FAP: variants seen among roughly 807,000 people sequenced by gnomAD.
FAP encodes the protein prolyl endopeptidase FAP.
In FAP, 110 loss-of-function variants were observed where a neutral mutation model predicts 126.5. That is an observed-to-expected ratio of 0.87 (90% CI 0.74 to 1.02). The LOEUF (loss-of-function observed/expected upper bound fraction) is 1.02. Ranked by LOEUF, FAP falls within the 50% of genes least tolerant of loss-of-function variation. FAP has a pLI of 0.00. For missense variants in FAP, 919 were observed against 909.2 expected, an observed-to-expected ratio of 1.01 and a Z score of -0.14; for synonymous variants, 334 against 297.3, an observed-to-expected ratio of 1.12 and a Z score of -1.27.
At chr2:162,216,204 C>T (rs927880688) in intron 9 of FAP, among the ~76,000 whole-genome samples, 1 of 152,108 alleles carries the variant, frequency 6.6e-6, no homozygotes, top group African/African-American at 2.4e-5. Context: ...TCAACCAGAG[C>T]AAAACTATGT....
At chr2:162,235,539 CAA>C (rs1690092425) in intron 2 of FAP, among the ~76,000 whole-genome samples, 1 of 152,146 alleles carries the variant, frequency 6.6e-6, no homozygotes, top group African/African-American at 2.4e-5. Context: ...TGTATCTAGG[CAA>C]TAGGTGGAGA....
chr2:162,211,112 G>C (rs1324335119), intron 11 of FAP, among the ~76,000 whole-genome samples: 4 of 152,138 alleles, frequency 2.6e-5, no homozygotes, highest in Non-Finnish European at 5.9e-5. Flanking sequence ...TGTGTGAACA[G>C]AAATAACTCA....
chr2:162,211,046 T>C (rs563555415), intron 11 of FAP, among the ~76,000 whole-genome samples: 5 of 152,328 alleles, frequency 3.3e-5, no homozygotes, highest in African/African-American at 4.8e-5. Context: ...GCAGGAAATG[T>C]ATTTCCCAGC....
Position 162,223,661 on chromosome 2 carries a change from C to G in FAP, c.361-1G>C, listed in dbSNP as rs375169901. On this transcript the variant is annotated splice_acceptor_variant, in intron 5 of 25. Transcript: ENST00000188790. LOFTEE classifies it high-confidence loss of function. The stretch of plus-strand genomic sequence containing the variant: ...TTGCTGTGTAAGAGTATCTCCAAAG[C>G]TGTCAGAAAGAAGAAAGACAAAAAA... 1 of 1,607,986 alleles carries G rather than the reference C, an allele frequency of 6.2e-7. No homozygotes were observed. Among genetic ancestry groups the G allele is most frequent in the African/African-American group, 1.3e-5 (1 of 74,738 alleles).
In FAP at chr2:162,242,927, A is replaced by T. The variant is rs199731574; in HGVS notation, c.72T>A (p.Ile24=). Residue 24 remains isoleucine, a synonymous_variant, in exon 2 of 26, where the codon ATT becomes ATA. Coordinates refer to ENST00000188790, the MANE Select transcript of FAP (RefSeq NM_004460.5). ...TCTTACCTCTTGAAGGGCGTAAGAC[A>T]ATGCACATCACCAATAAGGCAAGCA... ...SAVLALLVMC[I]VLRPSRVHNS... 8.4e-5 allele frequency: 136 copies of T among 1,613,034 alleles called. No homozygotes were observed. The highest frequency in any genetic ancestry group is 1.1e-4 in the Non-Finnish European group (126 of 1,179,416).
Position 162,222,625 on chromosome 2 carries a change from G to A in FAP, c.413+983C>T, listed in dbSNP as rs376309063. ...AACAGCAAACAAGATATCATATTAA[G>A]ATGAGTAGCTAAGGCAATTCATTGT... On this transcript the variant is annotated intron_variant, in intron 6 of 25. Coordinates refer to ENST00000188790, the MANE Select transcript of FAP (RefSeq NM_004460.5). Among the ~76,000 whole-genome samples, 8 of 152,126 alleles carry A rather than the reference G, an allele frequency of 5.3e-5. No homozygotes were observed. In the South Asian group the frequency reaches 1.2e-3, roughly 24 times the overall value.
At chr2:162,242,826 A>C (rs1690404870) in intron 2 of FAP, 82 bp downstream of exon 2, 1 of 1,001,336 alleles carries the variant, frequency 1.0e-6, no homozygotes, top group Non-Finnish European at 1.5e-6. Flanking sequence ...CACTTAGGAA[A>C]TGTTCAACCA....
chr2:162,197,664 G>C (rs1209123070), intron 16 of FAP: 3 of 456,444 alleles, frequency 6.6e-6, no homozygotes, highest in Admixed American at 2.4e-5. Flanking sequence ...GGGGCCAGGT[G>C]GCTGGACTGA....
chr2:162,218,854 T>A (rs1347939085), intron 8 of FAP, among the ~76,000 whole-genome samples: 2 of 152,102 alleles, frequency 1.3e-5, no homozygotes, highest in Admixed American at 6.6e-5. Flanking sequence ...TTCATAGTGA[T>A]GTTATTGAGA....
intron 4 of FAP, among the ~76,000 whole-genome samples, chr2:162,224,926 A>AG (rs1008982944): frequency 7.2e-5 from 11 of 152,198 alleles, no homozygotes; most frequent in South Asian, 2.1e-4. Context: ...TGGTTTCAAA[A>AG]GAATAGTAGG....
At chr2:162,183,645 C>T (rs1177841124) in intron 20 of FAP, 177 bp from the exon 21 acceptor site, 1 of 555,672 alleles carries the variant, frequency 1.8e-6, no homozygotes, top group African/African-American at 1.9e-5. Flanking sequence ...ATGTTTTCTG[C>T]AAAGAGATAA....
At chr2:162,225,362 G>A (rs1689594120) in intron 4 of FAP, 121 bp downstream of exon 4, 1 of 1,250,796 alleles carries the variant, frequency 8.0e-7, no homozygotes, top group Non-Finnish European at 1.1e-6. Context: ...GACTCTAGTG[G>A]AGTATGGAGC....
chr2:162,215,863 G>C, intron 10 of FAP, 35 bp downstream of exon 10: 1 of 1,455,338 alleles, frequency 6.9e-7, no homozygotes, highest in Non-Finnish European at 9.7e-7. Flanking sequence ...CTAGAATATA[G>C]GATAGAAAGA....
chr2:162,239,852 A>G (rs1280326242), intron 2 of FAP, among the ~76,000 whole-genome samples: 1 of 152,246 alleles, frequency 6.6e-6, no homozygotes, highest in Non-Finnish European at 1.5e-5. Flanking sequence ...CCAGGTATTC[A>G]GAAAATATAA....
Position 162,218,140 on chromosome 2 carries a change from T to C in FAP, c.608A>G (p.Glu203Gly). ...AGCATATTTTGTAGCAAGCATTTCC[T>C]CTGAAAAATAAGTACTAGGATATTA... ...FNGIPDWVYEEEMLATKYALW... is the reference protein window; with the variant it reads ...FNGIPDWVYEGEMLATKYALW... The change falls in exon 9 of 26, where the codon GAG becomes GGG. Residue 203 changes from glutamate (E) to glycine (G), a missense_variant and splice_region_variant. Glu to Gly is a moderately conservative substitution (Grantham distance 98). Coordinates refer to ENST00000188790, the MANE Select transcript of FAP (RefSeq NM_004460.5). 1 of 1,595,672 alleles carries C rather than the reference T, an allele frequency of 6.3e-7. No individual in the cohort carries two copies. The highest frequency in any genetic ancestry group is 8.5e-7 in the Non-Finnish European group (1 of 1,171,654).
At position 162,226,636 on chromosome 2, in the gene FAP, CA is replaced by C; in HGVS notation, c.92-16del. 7.6e-7 allele frequency: 1 copy of C among 1,309,578 alleles called. No homozygotes were observed. Among genetic ancestry groups the C allele is most frequent in the Non-Finnish European group, 1.1e-6 (1 of 917,488 alleles). 81.1% of individuals were successfully genotyped at this position (1,309,578 alleles called of 1,614,324 possible). A position where few individuals can be genotyped will look rare whatever the true frequency, so the allele number is the denominator to read the frequency against. ...AGAGTTATGAACTTTGGGGGAAGAG[CA>C]AATACATCCTTATTAAAAAGAAGGT... is the stretch of plus-strand genomic sequence containing the variant. On this transcript the variant is annotated splice_polypyrimidine_tract_variant and intron_variant, in intron 2 of 25. Coordinates refer to ENST00000188790, the MANE Select transcript of FAP (RefSeq NM_004460.5).
At chr2:162,229,967 A>T (rs1326393985) in intron 2 of FAP, among the ~76,000 whole-genome samples, 1 of 152,212 alleles carries the variant, frequency 6.6e-6, no homozygotes, top group Non-Finnish European at 1.5e-5. Context: ...TGTATGAATA[A>T]CATATCCAGA....
chr2:162,184,302 G>A (rs1687790856), intron 20 of FAP, among the ~76,000 whole-genome samples: 1 of 152,196 alleles, frequency 6.6e-6, no homozygotes, highest in African/African-American at 2.4e-5. Context: ...GTATGCAACA[G>A]TGACAGGAAG....
At chr2:162,218,919 C>T (rs2106275324) in intron 8 of FAP, 144 bp downstream of exon 8, 1 of 541,670 alleles carries the variant, frequency 1.8e-6, no homozygotes, top group East Asian at 3.3e-5. Flanking sequence ...AATACGTATG[C>T]CCTATTCGTA....
Sources: allele counts gnomAD v4.1 joint callset (sites outside exome capture counted in the v4.1 genomes callset), GRCh38; gene constraint gnomAD v4.1.1; transcripts MANE v1.5; gene names NCBI Gene and HGNC (gene_info 2026-07-23, HGNC 2026-07-21).